FRMD4A: variants seen among roughly 807,000 people sequenced by gnomAD.
FRMD4A encodes FERM domain containing 4A.
A neutral mutation model predicts 129.1 loss-of-function variants in FRMD4A; 29 were observed. The ratio of observed to expected loss-of-function variants is 0.22; its 90% CI spans 0.17 to 0.31. FRMD4A has a LOEUF of 0.31. FRMD4A is among the 10% of genes least tolerant of loss of function. FRMD4A has a pLI of 1.00. For synonymous variants in FRMD4A, 634 were observed against 571.6 expected (o/e 1.11, Z -1.56); for missense variants, 1,272 against 1,375.8 (o/e 0.92, Z 1.19).
chr10:13,747,631 A>C (rs1309503464), intron 9 of FRMD4A, 105 bp downstream of exon 9: 1 of 654,312 alleles, frequency 1.5e-6, no homozygotes, highest in Non-Finnish European at 2.8e-6. Flanking sequence ...CTGCAAGTCC[A>C]GGCTGGCACG....
At chr10:13,660,244 T>G in intron 20 of FRMD4A, 72 bp downstream of exon 20, 1 of 980,770 alleles carries the variant, frequency 1.0e-6, no homozygotes, top group Non-Finnish European at 1.6e-6. Context: ...TGGATGCTAC[T>G]TGGGACGGCC....
Position 14,082,433 on chromosome 10 carries a change from C to T in FRMD4A, c.46-223521G>A, listed in dbSNP as rs775438118. ...CCTCACTTTCCTAGGAGTAGCTAGA[C>T]GTCCTACAGACTTGAAGGTTAGGGG... On this transcript the variant is annotated intron_variant, in intron 2 of 24. Transcript: ENST00000357447. Among the ~76,000 whole-genome samples the T allele has an allele frequency of 3.2e-4, 48 of 152,016 alleles. 1 individual carries two copies. The highest frequency in any genetic ancestry group is 1.2e-4 in the Non-Finnish European group (8 of 68,012).
intron 8 of FRMD4A, among the ~76,000 whole-genome samples, chr10:13,750,013 G>C (rs1427597844): frequency 4.7e-5 from 7 of 147,960 alleles, no homozygotes; most frequent in Admixed American, 4.1e-4. Context: ...GAAAGAGAGA[G>C]AGAGAAGGAG....
intron 2 of FRMD4A, among the ~76,000 whole-genome samples, chr10:13,952,156 A>AT (rs1383476843): frequency 3.3e-5 from 5 of 149,380 alleles, no homozygotes; most frequent in Admixed American, 1.3e-4. Flanking sequence ...CTTTTTTCTG[A>AT]TTTTTCAAGT....
chr10:13,881,773 C>A (rs1023908457), intron 2 of FRMD4A, among the ~76,000 whole-genome samples: 2 of 151,880 alleles, frequency 1.3e-5, no homozygotes, highest in Non-Finnish European at 2.9e-5. Context: ...TAGGATCGAA[C>A]TGCGACTGCC....
chr10:13,936,451 G>C (rs760073684), intron 2 of FRMD4A, among the ~76,000 whole-genome samples: 164 of 152,286 alleles, frequency 1.1e-3, no homozygotes, highest in East Asian at 1.7e-3. Flanking sequence ...TCAATCCCAA[G>C]GTGATGATAT....
At chr10:13,891,970 GCGCCACCGCCGC>G (rs1554960399) in intron 2 of FRMD4A, among the ~76,000 whole-genome samples, 1 of 149,222 alleles carries the variant, frequency 6.7e-6, no homozygotes, top group East Asian at 2.0e-4. Flanking sequence ...CGGCCACCGC[GCGCCACCGCCGC>G]CGCCACCGCC....
chr10:13,674,821 A>G (rs2083835709), intron 16 of FRMD4A, 90 bp downstream of exon 16: 5 of 1,378,752 alleles, frequency 3.6e-6, no homozygotes, highest in Non-Finnish European at 5.1e-6. Context: ...ACATCAGTCA[A>G]ATGACATCAA....
Position 13,699,750 on chromosome 10 carries a change from G to A in FRMD4A, c.975+1590C>T, listed in dbSNP as rs144640011. 1.6e-3 allele frequency among the ~76,000 whole-genome samples: 248 copies of A among 152,162 alleles called. 2 individuals carry two copies. The highest frequency in any genetic ancestry group is 0.014 in the Middle Eastern group (4 of 294). On this transcript the variant is annotated intron_variant, in intron 14 of 24. Coordinates refer to ENST00000357447, the MANE Select transcript of FRMD4A (RefSeq NM_018027.5). ...GGTGAAATTAACGTTCTCAGGTGTC[G>A]ACCTCCAACTGTTGCCCCTGGACAG...
intron 2 of FRMD4A, among the ~76,000 whole-genome samples, chr10:14,193,092 A>G (rs1842365917): frequency 6.6e-6 from 1 of 152,204 alleles, no homozygotes; most frequent in Admixed American, 6.5e-5. Context: ...ATCCATGGCT[A>G]ATTTTATTTT....
At chr10:14,086,393 T>C (rs1836279010) in intron 2 of FRMD4A, among the ~76,000 whole-genome samples, 1 of 152,222 alleles carries the variant, frequency 6.6e-6, no homozygotes, top group Non-Finnish European at 1.5e-5. Context: ...TTGATTGGAT[T>C]TTCATGCGTT....
At chr10:14,111,017 A>G (rs1837872903) in intron 2 of FRMD4A, among the ~76,000 whole-genome samples, 1 of 152,216 alleles carries the variant, frequency 6.6e-6, no homozygotes, top group African/African-American at 2.4e-5. Context: ...CACATATCAT[A>G]AAATTTACCT....
In FRMD4A at chr10:13,878,288, A is replaced by C. The variant is rs556320728; in HGVS notation, c.46-19376T>G. ...TTTGGGCTGTTTCCATGAAAGAAGG[A>C]AGGAGAGAGATGTTTTTGCCTGGAT... On this transcript the variant is annotated intron_variant, in intron 2 of 24. Transcript: ENST00000357447. Among the ~76,000 whole-genome samples the C allele has an allele frequency of 2.7e-5, 4 of 150,406 alleles. No homozygotes were observed. The East Asian group carries it at 7.9e-4, about 30-fold the overall frequency.
chr10:13,723,097 T>C (rs2089592316), intron 12 of FRMD4A, among the ~76,000 whole-genome samples: 1 of 151,456 alleles, frequency 6.6e-6, no homozygotes, highest in South Asian at 2.1e-4. Flanking sequence ...CTAGTTTTTA[T>C]GTTGGTTAGC....
intron 5 of FRMD4A, among the ~76,000 whole-genome samples, chr10:13,790,631 C>T (rs765366883): frequency 1.6e-4 from 25 of 152,136 alleles, no homozygotes; most frequent in Non-Finnish European, 3.1e-4. Context: ...CCCAGAGCCA[C>T]AGAAGCCACA....
intron 2 of FRMD4A, among the ~76,000 whole-genome samples, chr10:14,121,911 G>A (rs1838545273): frequency 6.6e-6 from 1 of 152,186 alleles, no homozygotes; most frequent in Admixed American, 6.5e-5. Context: ...AAATGGAGAG[G>A]ATGCTAGTGA....
intron 12 of FRMD4A, among the ~76,000 whole-genome samples, chr10:13,722,196 G>GGTT (rs1279257453): frequency 1.3e-5 from 2 of 151,472 alleles, no homozygotes; most frequent in East Asian, 3.9e-4. Flanking sequence ...AGAATTGGGT[G>GGTT]GTTGCATGAA....
chr10:13,653,278 C>G (rs2081835484), intron 23 of FRMD4A: 1 of 152,146 alleles, frequency 6.6e-6, no homozygotes, highest in African/African-American at 2.4e-5. Context: ...CTTTGGGAAG[C>G]TGAGGTGGGT....
intron 13 of FRMD4A, among the ~76,000 whole-genome samples, chr10:13,703,662 G>A (rs1026935651): frequency 2.6e-5 from 4 of 152,174 alleles, no homozygotes; most frequent in African/African-American, 9.7e-5. Context: ...AAATAAGCAA[G>A]GCCACAAGCA....
Sources: gnomAD v4.1 joint callset for allele counts (sites outside exome capture counted in the v4.1 genomes callset) on GRCh38, gnomAD v4.1.1 for gene constraint, MANE v1.5 for transcripts, NCBI Gene and HGNC (gene_info 2026-07-23, HGNC 2026-07-21) for gene names.